RBFOX1: variants seen among roughly 807,000 people sequenced by gnomAD.
The protein encoded by RBFOX1 is RNA binding fox-1 homolog 1.
A neutral mutation model predicts 57.7 loss-of-function variants in RBFOX1; 8 were observed. The observed-to-expected ratio is 0.14, with a 90% CI of 0.08 to 0.25. The LOEUF is 0.25. Ranked by LOEUF, RBFOX1 falls within the 10% of genes least tolerant of loss-of-function variation. RBFOX1 has a pLI of 1.00. For missense variants in RBFOX1, 611 were observed against 548.5 expected (o/e 1.11, Z -1.14); for synonymous variants, 326 against 222.4 (o/e 1.47, Z -4.15).
chr16:6,282,464 C>T (rs1479890745), intron 1 of RBFOX1, among the ~76,000 whole-genome samples: 1 of 151,158 alleles, frequency 6.6e-6, no homozygotes, highest in African/African-American at 2.4e-5. Flanking sequence ...TGGTTTGCTG[C>T]ACCTGTCAAC....
At chr16:7,659,244 G>A (rs1419447254) in intron 12 of RBFOX1, among the ~76,000 whole-genome samples, 1 of 152,190 alleles carries the variant, frequency 6.6e-6, no homozygotes, top group Non-Finnish European at 1.5e-5. Context: ...AAAACTTAAA[G>A]CTGGTCAGTG....
intron 3 of RBFOX1, among the ~76,000 whole-genome samples, chr16:5,657,245 T>C (rs540262186): frequency 6.6e-6 from 1 of 152,246 alleles, no homozygotes; most frequent in Admixed American, 6.5e-5. Flanking sequence ...ATATATGGTC[T>C]TAGAACCATG....
intron 2 of RBFOX1, among the ~76,000 whole-genome samples, chr16:6,532,421 A>G (rs1350325544): frequency 6.6e-6 from 1 of 152,132 alleles, no homozygotes; most frequent in African/African-American, 2.4e-5. Flanking sequence ...GCCCTCAGAG[A>G]CCATTACTGT....
At chr16:6,973,738 G>C (rs966585769) in intron 3 of RBFOX1, among the ~76,000 whole-genome samples, 1 of 152,102 alleles carries the variant, frequency 6.6e-6, no homozygotes, top group East Asian at 1.9e-4. Flanking sequence ...GTTTTGGCGA[G>C]CATAACTGCA....
At chr16:7,300,277 C>G (rs948567433) in intron 4 of RBFOX1, among the ~76,000 whole-genome samples, 1 of 152,130 alleles carries the variant, frequency 6.6e-6, no homozygotes, top group Non-Finnish European at 1.5e-5. Context: ...TTGTCCGGCC[C>G]CACTGATGCC....
intron 4 of RBFOX1, among the ~76,000 whole-genome samples, chr16:7,363,497 A>AT (rs1196780428): frequency 2.6e-5 from 4 of 151,312 alleles, no homozygotes; most frequent in Non-Finnish European, 5.9e-5. Flanking sequence ...TAATAAAGGA[A>AT]AAAAAAAATA....
At position 7,334,257 on chromosome 16, in the gene RBFOX1, C is replaced by T. The variant is rs77866000; in HGVS notation, c.28-183890C>T. 3.8e-3 allele frequency among the ~76,000 whole-genome samples: 584 copies of T among 152,192 alleles called. 5 individuals are homozygous for T. Among genetic ancestry groups the T allele is most frequent in the African/African-American group, 0.013 (534 of 41,520 alleles). On this transcript the variant is annotated intron_variant, in intron 4 of 15. Coordinates refer to ENST00000550418, the MANE Select transcript of RBFOX1 (RefSeq NM_018723.4). ...TTATGGCCGTTCCTCTGTTTGGAAG[C>T]TTTTCTCTGTATTACCTGTTATAAA...
intron 4 of RBFOX1, among the ~76,000 whole-genome samples, chr16:7,479,188 A>G (rs927146867): frequency 6.7e-6 from 1 of 149,604 alleles, no homozygotes; most frequent in African/African-American, 2.5e-5. Flanking sequence ...CAGTGGTGTG[A>G]TCTCGGCTCA....
chr16:5,460,827 C>G lies in RBFOX1; in HGVS notation c.220-6389C>G, dbSNP rs762479202. 5.9e-5 allele frequency among the ~76,000 whole-genome samples: 9 copies of G among 152,328 alleles called. 1 individual carries two copies. The South Asian group carries it at 1.9e-3, about 32-fold the overall frequency. On this transcript the variant is annotated intron_variant, in intron 1 of 2. Coordinates refer to the RBFOX1 transcript ENST00000585867. Reference sequence around the variant, plus strand: ...ACAAAGGAAAAGCACAGAGATAAATCTGAGTCCTAATCCCATTGCAGGAGC... The same window carrying G: ...ACAAAGGAAAAGCACAGAGATAAATGTGAGTCCTAATCCCATTGCAGGAGC...
At chr16:7,387,383 T>C (rs1404064886) in intron 4 of RBFOX1, among the ~76,000 whole-genome samples, 2 of 152,202 alleles carry the variant, frequency 1.3e-5, no homozygotes, top group South Asian at 2.1e-4. Flanking sequence ...GTGGATTCTC[T>C]AAGTCCAGAA....
chr16:6,065,014 T>C (rs907290128), intron 1 of RBFOX1, among the ~76,000 whole-genome samples: 1 of 150,646 alleles, frequency 6.6e-6, no homozygotes, highest in Non-Finnish European at 1.5e-5. Flanking sequence ...ATATTTCTTT[T>C]CTTTCTTTCT....
chr16:6,350,268 C>G (rs1234093460), intron 2 of RBFOX1, among the ~76,000 whole-genome samples: 4 of 151,686 alleles, frequency 2.6e-5, no homozygotes, highest in Non-Finnish European at 5.9e-5. Flanking sequence ...GAAACCCTGT[C>G]TCTACTAAAA....
chr16:6,784,107 C>T (rs1022097202), intron 3 of RBFOX1, among the ~76,000 whole-genome samples: 2 of 151,926 alleles, frequency 1.3e-5, no homozygotes, highest in African/African-American at 2.4e-5. Flanking sequence ...TTATTGTATA[C>T]CTCTGGGTTT....
At chr16:6,911,950 C>G (rs2071732208) in intron 3 of RBFOX1, among the ~76,000 whole-genome samples, 1 of 152,076 alleles carries the variant, frequency 6.6e-6, no homozygotes, top group Non-Finnish European at 1.5e-5. Flanking sequence ...CTTGGTTCAC[C>G]AATCCTTTGA....
chr16:6,471,115 C>A (rs1567350348), intron 2 of RBFOX1, among the ~76,000 whole-genome samples: 1 of 152,296 alleles, frequency 6.6e-6, no homozygotes, highest in East Asian at 1.9e-4. Flanking sequence ...TGCCCCCTTT[C>A]CCTGCCTGGT....
At chr16:7,054,400 C>G (rs997887882) in intron 4 of RBFOX1, among the ~76,000 whole-genome samples, 1 of 151,608 alleles carries the variant, frequency 6.6e-6, no homozygotes, top group Non-Finnish European at 1.5e-5. Flanking sequence ...CCACCACGCC[C>G]AGCTAATTTT....
intron 4 of RBFOX1, among the ~76,000 whole-genome samples, chr16:5,990,929 A>G (rs1432905531): frequency 5.3e-5 from 8 of 152,174 alleles, no homozygotes; most frequent in Non-Finnish European, 8.8e-5. Context: ...AGATGAGCAC[A>G]CACCACTGAA....
At chr16:7,684,429 G>C (rs1379377903) in intron 14 of RBFOX1, among the ~76,000 whole-genome samples, 1 of 151,984 alleles carries the variant, frequency 6.6e-6, no homozygotes, top group Non-Finnish European at 1.5e-5. Flanking sequence ...GCTAATTATT[G>C]ATACATTATG....
intron 14 of RBFOX1, among the ~76,000 whole-genome samples, chr16:7,705,396 T>G (rs1000337070): frequency 6.6e-6 from 1 of 151,922 alleles, no homozygotes; most frequent in Non-Finnish European, 1.5e-5. Flanking sequence ...TCCCAGCTAT[T>G]CGGGAGGCTG....
Sources: allele counts gnomAD v4.1 joint callset (sites outside exome capture counted in the v4.1 genomes callset), GRCh38; gene constraint gnomAD v4.1.1; transcripts MANE v1.5; gene names NCBI Gene and HGNC (gene_info 2026-07-23, HGNC 2026-07-21).